Variants in STK24 observed in about 807,000 individuals in gnomAD.
STK24 encodes the protein serine/threonine kinase 24, also known as serine/threonine-protein kinase 24.
Under a neutral mutation model 55.6 loss-of-function variants are expected in STK24, and 21 were observed. The observed-to-expected ratio is 0.38, with a 90% CI of 0.27 to 0.54. STK24 has a LOEUF of 0.54. Among genes scored for constraint, STK24 ranks in the 20% least tolerant of loss-of-function variants. The probability of loss-of-function intolerance (pLI) is 0.79; values close to 1 mark genes in which losing one functional copy is unlikely to be tolerated. For synonymous variants in STK24, 200 were observed against 215.2 expected (o/e 0.93, Z 0.62); for missense variants, 383 against 538.4 (o/e 0.71, Z 2.86).
intron 3 of STK24, among the ~76,000 whole-genome samples, chr13:98,478,484 T>C (rs1021075693): frequency 3.3e-5 from 5 of 152,174 alleles, no homozygotes; most frequent in African/African-American, 1.2e-4. Context: ...GAGAGGACAA[T>C]GGCTGAAGAC....
intron 4 of STK24, 86 bp downstream of exon 4, chr13:98,475,164 G>A (rs1421522806): frequency 1.4e-5 from 20 of 1,406,370 alleles, no homozygotes; most frequent in Admixed American, 8.6e-5. Context: ...ACAAATGGGC[G>A]CCAGCACCTT....
intron 6 of STK24, among the ~76,000 whole-genome samples, chr13:98,464,495 CTTTTT>C (rs551373383): frequency 9.4e-6 from 1 of 106,802 alleles, no homozygotes. Flanking sequence ...TGTTGTTTAA[CTTTTT>C]TTTTTTTTTT....
chr13:98,526,295 C>G (rs948274764), intron 1 of STK24, among the ~76,000 whole-genome samples: 1 of 152,120 alleles, frequency 6.6e-6, no homozygotes, highest in Non-Finnish European at 1.5e-5. Context: ...CAGGCATTTT[C>G]CCCCTGCAGT....
At chr13:98,514,847 CTT>C (rs1566379043) in intron 2 of STK24, among the ~76,000 whole-genome samples, 1 of 152,102 alleles carries the variant, frequency 6.6e-6, no homozygotes, top group Non-Finnish European at 1.5e-5. Context: ...GCGCAGATAA[CTT>C]AAAATTTTTT....
chr13:98,563,855 G>A (rs562069735), intron 1 of STK24, among the ~76,000 whole-genome samples: 2 of 147,176 alleles, frequency 1.4e-5, no homozygotes, highest in East Asian at 4.0e-4. Flanking sequence ...GCGAGACTCC[G>A]TCTCAAAAAA....
chr13:98,576,901 C>T lies in STK24; in HGVS notation c.-115G>A, dbSNP rs1479572354. On this transcript the variant is annotated 5_prime_UTR_variant, in exon 1 of 11. Transcript: ENST00000539966. ...TCGGGCGGCGGGGCCGGCCGGAGCC[C>T]GAGGCCACCCCAGCCCTGGCGGGTC... is the stretch of plus-strand genomic sequence containing the variant. 1 of 610,906 alleles carries T rather than the reference C, an allele frequency of 1.6e-6. No individual in the cohort carries two copies. Among genetic ancestry groups the T allele is most frequent in the African/African-American group, 2.0e-5 (1 of 49,232 alleles). 37.8% of individuals were successfully genotyped at this position (610,906 alleles called of 1,614,324 possible).
At chr13:98,569,914 T>A (rs1333049345) in intron 1 of STK24, among the ~76,000 whole-genome samples, 1 of 149,660 alleles carries the variant, frequency 6.7e-6, no homozygotes, top group Admixed American at 6.7e-5. Context: ...TTTCACTCTG[T>A]CACCTAGGCT....
chr13:98,562,260 G>A lies in STK24; in HGVS notation c.42+14485C>T, dbSNP rs117842085. Among the ~76,000 whole-genome samples the A allele has an allele frequency of 6.1e-4, 93 of 152,246 alleles. 1 individual carries two copies. The East Asian group carries it at 0.017, about 27-fold the overall frequency. ...GCTTTTGCTTTAAAAATACTTTAAC[G>A]GAGATGGAGTGAAGATATTTTTCTG... On this transcript the variant is annotated intron_variant, in intron 1 of 10. Coordinates refer to ENST00000539966, the MANE Select transcript of STK24 (RefSeq NM_001032296.4).
chr13:98,471,030 T>C (rs928667778), intron 5 of STK24, among the ~76,000 whole-genome samples: 1 of 152,256 alleles, frequency 6.6e-6, no homozygotes, highest in African/African-American at 2.4e-5. Flanking sequence ...TTGACCAAAG[T>C]GGCCCAACAT....
chr13:98,504,891 G>A (rs1895631172), intron 2 of STK24: 1 of 152,228 alleles, frequency 6.6e-6, no homozygotes, highest in Admixed American at 6.5e-5. Context: ...CGTCTGTCTG[G>A]GCGACGCTGA....
chr13:98,469,274 C>T (rs1487531141), intron 5 of STK24, among the ~76,000 whole-genome samples: 8 of 152,182 alleles, frequency 5.3e-5, no homozygotes, highest in Non-Finnish European at 1.0e-4. Context: ...GGGGGCCAGG[C>T]GCGGTGGCTC....
At chr13:98,527,303 A>C (rs1466784675) in intron 1 of STK24, among the ~76,000 whole-genome samples, 2 of 152,158 alleles carry the variant, frequency 1.3e-5, no homozygotes, top group East Asian at 3.9e-4. Flanking sequence ...GACCTCAGCT[A>C]TACCAAAAAA....
At position 98,576,878 on chromosome 13, in the gene STK24, G is replaced by T. The variant is rs1406132051; in HGVS notation, c.-92C>A. On this transcript the variant is annotated 5_prime_UTR_variant, in exon 1 of 11. Transcript: ENST00000539966. Reference sequence around the variant, plus strand: ...GGCCCGCGGGCCGCGCGCAGCCCTCGGGCGGCGGGGCCGGCCGGAGCCCGA... The same window carrying T: ...GGCCCGCGGGCCGCGCGCAGCCCTCTGGCGGCGGGGCCGGCCGGAGCCCGA... The T allele has an allele frequency of 1.2e-6, 1 of 866,758 alleles. No individual in the cohort carries two copies. The highest frequency in any genetic ancestry group is 1.4e-6 in the Non-Finnish European group (1 of 724,086). The allele number at this position is 866,758 out of a possible 1,614,324, so 53.7% of individuals were successfully genotyped here. A position where few individuals can be genotyped will look rare whatever the true frequency, so the allele number is the denominator to read the frequency against.
chr13:98,572,694 C>T (rs1245243644), intron 1 of STK24, among the ~76,000 whole-genome samples: 3 of 151,704 alleles, frequency 2.0e-5, no homozygotes, highest in East Asian at 1.9e-4. Flanking sequence ...AGAAGGGGAA[C>T]GAGGGGGACA....
chr13:98,572,424 G>A (rs1594680012), intron 1 of STK24, among the ~76,000 whole-genome samples: 2 of 152,128 alleles, frequency 1.3e-5, no homozygotes, highest in Non-Finnish European at 2.9e-5. Context: ...TCCCAAGGAA[G>A]GAACGGAAAA....
chr13:98,497,752 C>G (rs1895299090), intron 2 of STK24, among the ~76,000 whole-genome samples: 2 of 152,198 alleles, frequency 1.3e-5, no homozygotes, highest in African/African-American at 4.8e-5. Flanking sequence ...CACCTTCCTC[C>G]CATCCCTGGC....
chr13:98,453,613 A>G (rs1277390953), intron 10 of STK24: 8 of 166,160 alleles, frequency 4.8e-5, no homozygotes, highest in Non-Finnish European at 9.0e-5. Context: ...AAAAATAGTG[A>G]TGCAGTCCAA....
chr13:98,507,037 C>T (rs1450030179), intron 2 of STK24, among the ~76,000 whole-genome samples: 2 of 152,254 alleles, frequency 1.3e-5, no homozygotes, highest in Non-Finnish European at 2.9e-5. Context: ...CTGGCCGACA[C>T]TAGGCCTCTG....
intron 1 of STK24, among the ~76,000 whole-genome samples, chr13:98,560,242 C>G (rs1391563125): frequency 6.6e-6 from 1 of 152,216 alleles, no homozygotes; most frequent in Non-Finnish European, 1.5e-5. Context: ...CCACTCAACG[C>G]TGCTCAACGC....
Sources: gnomAD v4.1 joint callset for allele counts (sites outside exome capture counted in the v4.1 genomes callset) on GRCh38, gnomAD v4.1.1 for gene constraint, MANE v1.5 for transcripts, NCBI Gene and HGNC (gene_info 2026-07-23, HGNC 2026-07-21) for gene names.